Variants in FBXO27 observed in about 807,000 individuals in gnomAD.
FBXO27 encodes the protein F-box protein 27.
FBXO27 carries 28 observed loss-of-function variants against 28.3 expected under a neutral mutation model. The ratio of observed to expected loss-of-function variants is 0.99; its 90% CI spans 0.73 to 1.36. The LOEUF is 1.36. Ranked by LOEUF, FBXO27 falls within the 40% of genes most tolerant of loss-of-function variation. The probability of loss-of-function intolerance (pLI) is 0.00; values close to 1 mark genes in which losing one functional copy is unlikely to be tolerated. For synonymous variants in FBXO27, 175 were observed against 167.3 expected (o/e 1.05, Z -0.36); for missense variants, 388 against 394.1 (o/e 0.98, Z 0.13).
intron 2 of FBXO27, among the ~76,000 whole-genome samples, chr19:39,010,029 C>T (rs940073125): frequency 3.3e-5 from 5 of 151,942 alleles, no homozygotes; most frequent in African/African-American, 4.8e-5. Context: ...AGACTTGTCT[C>T]GAACTCCTGG....
chr19:39,009,290 T>G (rs549722225), intron 2 of FBXO27, among the ~76,000 whole-genome samples: 1 of 152,356 alleles, frequency 6.6e-6, no homozygotes, highest in Admixed American at 6.5e-5. Context: ...TTTTAAATCC[T>G]CTTGGGTATA....
chr19:39,023,566 G>GC (rs990595160), downstream of FBXO27, among the ~76,000 whole-genome samples: 1 of 151,646 alleles, frequency 6.6e-6, no homozygotes, highest in Non-Finnish European at 1.5e-5. Flanking sequence ...ACCAAAATCA[G>GC]CCAGGGGATC....
intron 2 of FBXO27, among the ~76,000 whole-genome samples, chr19:39,011,406 T>C (rs1424696930): frequency 6.6e-6 from 1 of 152,208 alleles, no homozygotes; most frequent in Non-Finnish European, 1.5e-5. Flanking sequence ...GACTCCACCC[T>C]GGGCAACAGA....
At chr19:39,019,018 C>T (rs1259535346) in intron 1 of FBXO27, among the ~76,000 whole-genome samples, 1 of 148,954 alleles carries the variant, frequency 6.7e-6, no homozygotes, top group East Asian at 2.0e-4. Flanking sequence ...GCAGTGAGCC[C>T]AGATCATGCC....
intron 4 of FBXO27, 95 bp from the exon 5 acceptor site, chr19:39,027,100 TC>T: frequency 1.3e-6 from 2 of 1,494,652 alleles, no homozygotes; most frequent in Non-Finnish European, 1.8e-6. Flanking sequence ...TGTGTGCAAA[TC>T]CAGTTCCTCT....
In FBXO27 at chr19:39,026,972, G is replaced by C. The variant is rs1319499602; in HGVS notation, c.606C>G (p.Tyr202Ter). 1 of 1,614,218 alleles carries C rather than the reference G, an allele frequency of 6.2e-7. No individual in the cohort carries two copies. The highest frequency in any genetic ancestry group is 2.2e-5 in the East Asian group (1 of 44,890). ...CGTCTAGAAGTTGGACGAGGAGTCT[G>C]TACATACAGCCGCTGTCGTGTCGGG... The part of the protein sequence containing the change: ...WGARHDSGCM[Y>*]RLLVQLLDAN... The change falls in exon 5 of 6, where the codon TAC becomes TAG. Residue 202 changes from tyrosine to a stop codon, truncating the protein, a stop_gained. Transcript: ENST00000292853. LOFTEE classifies it high-confidence loss of function.
rs770250225 is a variant in FBXO27 at position 39,026,947 on chromosome 19, C to T, written c.631G>A (p.Ala211Thr). ...MYRLLVQLLDANQTVLDKFSA... is the reference protein window; with the variant it reads ...MYRLLVQLLDTNQTVLDKFSA... ...AATTTATCTAGAACAGTCTGGTTGG[C>T]GTCTAGAAGTTGGACGAGGAGTCTG... The change falls in exon 5 of 6, where the codon GCC (alanine) becomes ACC (threonine). Residue 211 changes from alanine (A) to threonine (T), a missense_variant. Coordinates refer to ENST00000292853, the MANE Select transcript of FBXO27 (RefSeq NM_178820.5). The T allele has an allele frequency of 3.3e-5, 54 of 1,614,062 alleles. No individual in the cohort carries two copies. In the East Asian group the frequency reaches 4.2e-4, roughly 13 times the overall value.
At chr19:39,019,911 C>A (rs55772809), downstream of FBXO27, among the ~76,000 whole-genome samples, 1 of 151,824 alleles carries the variant, frequency 6.6e-6, no homozygotes, top group African/African-American at 2.4e-5. Context: ...GCCACCATAC[C>A]CAGCTAATTT....
chr19:39,031,791 GC>G, intron 2 of FBXO27, 72 bp downstream of exon 2: 1 of 1,387,564 alleles, frequency 7.2e-7, no homozygotes, highest in Non-Finnish European at 9.3e-7. Flanking sequence ...TCCCAGTGCG[GC>G]CCCGCCCCTC....
chr19:39,031,310 T>C lies in FBXO27; in HGVS notation c.375A>G (p.Arg125=). ...CCCCACCGTGTTGCACCATCCACTT[T>C]CGGAGGCCTTCTGTGAAATAAAAAA... ...IRNPCGQEGL[R]KWMVQHGGDG... is the part of the protein sequence containing the mutation. Residue 125 remains arginine (R), a synonymous_variant, in exon 3 of 6, where the codon CGA becomes CGG. Transcript: ENST00000292853. 5.0e-6 allele frequency: 8 copies of C among 1,613,892 alleles called. No homozygotes were observed. Among genetic ancestry groups the C allele is most frequent in the Non-Finnish European group, 6.8e-6 (8 of 1,179,894 alleles).
downstream of FBXO27, among the ~76,000 whole-genome samples, chr19:39,019,735 T>TTTTG (rs2072836800): frequency 1.3e-5 from 2 of 150,714 alleles, no homozygotes; most frequent in African/African-American, 5.0e-5. Flanking sequence ...AAAGAGGGTT[T>TTTTG]TTTGTTTGTT....
In FBXO27 at chr19:39,025,123, T is replaced by C; in HGVS notation, c.*288A>G. ...GGAGAAGAGAGGGGAGGGCAAGAATTCTTCTCCAGGATGGGCATTCCCCCA... is the reference window on the plus strand; with the variant it reads ...GGAGAAGAGAGGGGAGGGCAAGAATCCTTCTCCAGGATGGGCATTCCCCCA... On this transcript the variant is annotated 3_prime_UTR_variant, in exon 6 of 6. Transcript: ENST00000292853. The C allele has an allele frequency of 2.9e-6, 1 of 346,668 alleles. No individual in the cohort carries two copies. The highest frequency in any genetic ancestry group is 6.8e-5 in the South Asian group (1 of 14,674). The allele number at this position is 346,668 out of a possible 1,614,324, so 21.5% of individuals were successfully genotyped here. A position where few individuals can be genotyped will look rare whatever the true frequency, so the allele number is the denominator to read the frequency against.
At chr19:39,018,003 T>G (rs1468324547) in intron 1 of FBXO27, among the ~76,000 whole-genome samples, 2 of 152,154 alleles carry the variant, frequency 1.3e-5, no homozygotes, top group Non-Finnish European at 2.9e-5. Context: ...TTTTTCGTGA[T>G]GGAGTTTCAC....
At chr19:39,021,610 T>C (rs2072845426), downstream of FBXO27, among the ~76,000 whole-genome samples, 1 of 152,198 alleles carries the variant, frequency 6.6e-6, no homozygotes, top group Non-Finnish European at 1.5e-5. Context: ...CAGCGAGGCT[T>C]CTGGTCAACA....
chr19:39,026,159 T>C (rs1000825312), intron 5 of FBXO27, among the ~76,000 whole-genome samples: 1 of 152,146 alleles, frequency 6.6e-6, no homozygotes, highest in African/African-American at 2.4e-5. Flanking sequence ...CAAGGCAGCT[T>C]CTACTGTTTC....
chr19:39,012,939 A>G (rs1188876760), intron 2 of FBXO27, among the ~76,000 whole-genome samples: 1 of 151,358 alleles, frequency 6.6e-6, no homozygotes, highest in Non-Finnish European at 1.5e-5. Context: ...CAGCCTGGGC[A>G]ACAGAGTGAG....
chr19:39,022,315 A>AT, downstream of FBXO27, among the ~76,000 whole-genome samples: 1 of 150,794 alleles, frequency 6.6e-6, no homozygotes, highest in East Asian at 2.0e-4. Context: ...AATTTTTTAA[A>AT]TTTTTTTGTA....
At position 39,032,192 on chromosome 19, in the gene FBXO27, C is replaced by T; in HGVS notation, c.36G>A (p.Arg12=). 1 of 1,484,032 alleles carries T rather than the reference C, an allele frequency of 6.7e-7. No individual in the cohort carries two copies. Among genetic ancestry groups the T allele is most frequent in the Non-Finnish European group, 8.9e-7 (1 of 1,121,456 alleles). 91.9% of individuals were successfully genotyped at this position (1,484,032 alleles called of 1,614,324 possible). ...GASVSRGRAA[R]VPAPEPEPEE... ...CGGGTTCCGGCTCCGGCGCGGGGAC[C>T]CGGGCGGCCCGGCCCCTGGAGACCG... Residue 12 remains arginine, a synonymous_variant, in exon 2 of 6, where the codon CGG becomes CGA. Transcript: ENST00000292853. This position sits in a 1 kb window ranked among gnomAD's most constrained non-coding sequence, Gnocchi z 4.7.
rs2072888039 is a variant in FBXO27, at chr19:39,029,041, C to T, written c.572+1988G>A. Reference sequence around the variant, plus strand: ...TGGGTAAAAGAGCAAGACTCTGTCTCTAAAAAAAAAAAAAAAAAAAAAAAT... The same window carrying T: ...TGGGTAAAAGAGCAAGACTCTGTCTTTAAAAAAAAAAAAAAAAAAAAAAAT... On this transcript the variant is annotated intron_variant, in intron 4 of 5. Transcript: ENST00000292853. Among the ~76,000 whole-genome samples, 4 of 110,746 alleles carry T rather than the reference C, an allele frequency of 3.6e-5. No individual in the cohort carries two copies. In the Admixed American group the frequency reaches 3.9e-4, roughly 11 times the overall value. 72.7% of individuals were successfully genotyped at this position (110,746 alleles called of 152,430 possible).
Sources: allele counts gnomAD v4.1 joint callset (sites outside exome capture counted in the v4.1 genomes callset), GRCh38; gene constraint gnomAD v4.1.1; non-coding constraint Gnocchi (gnomAD v3.1); transcripts MANE v1.5; gene names NCBI Gene and HGNC (gene_info 2026-07-23, HGNC 2026-07-21).